Variants in KCNH5 observed in about 807,000 individuals in gnomAD.
KCNH5 encodes the protein potassium voltage-gated channel subfamily H member 5.
KCNH5 carries 46 observed loss-of-function variants against 96.1 expected under a neutral mutation model. That is an observed-to-expected ratio of 0.48 (90% CI 0.38 to 0.61). The LOEUF is 0.61. Among genes scored for constraint, KCNH5 ranks in the 20% least tolerant of loss-of-function variants. The probability of loss-of-function intolerance (pLI) is 0.00; values close to 1 mark genes in which losing one functional copy is unlikely to be tolerated. For synonymous variants in KCNH5, 439 were observed against 449.8 expected (o/e 0.98, Z 0.30); for missense variants, 907 against 1,225.8 (o/e 0.74, Z 3.88).
At chr14:62,777,871 G>C (rs1886131421) in intron 10 of KCNH5, among the ~76,000 whole-genome samples, 2 of 152,092 alleles carry the variant, frequency 1.3e-5, no homozygotes, top group East Asian at 3.9e-4. Flanking sequence ...GTGTGTGTGT[G>C]TGTGTGTGTA....
chr14:63,035,033 T>C (rs908144083), intron 1 of KCNH5, among the ~76,000 whole-genome samples: 3 of 152,184 alleles, frequency 2.0e-5, no homozygotes, highest in Admixed American at 1.3e-4. Context: ...GATATAATGA[T>C]AACATTTTAC....
At chr14:62,746,178 C>T (rs1447916940) in intron 10 of KCNH5, among the ~76,000 whole-genome samples, 1 of 152,220 alleles carries the variant, frequency 6.6e-6, no homozygotes, top group East Asian at 1.9e-4. Context: ...TTAAACAATT[C>T]TAGCCTCTTT....
chr14:62,747,612 A>C (rs1164744651), intron 10 of KCNH5, among the ~76,000 whole-genome samples: 2 of 152,240 alleles, frequency 1.3e-5, no homozygotes, highest in Non-Finnish European at 2.9e-5. Flanking sequence ...CTTTAGGTCA[A>C]GTTAAATCAA....
chr14:62,906,073 G>T (rs144541564), intron 7 of KCNH5, among the ~76,000 whole-genome samples: 1 of 152,308 alleles, frequency 6.6e-6, no homozygotes, highest in East Asian at 1.9e-4. Flanking sequence ...CTATTCAACT[G>T]CATAGGGTTT....
chr14:62,709,104 G>A (rs924509775), intron 10 of KCNH5, among the ~76,000 whole-genome samples: 76 of 151,030 alleles, frequency 5.0e-4, no homozygotes, highest in African/African-American at 1.7e-3. Flanking sequence ...GCAGTGGCGG[G>A]CGCCTGTAGT....
intron 10 of KCNH5, among the ~76,000 whole-genome samples, chr14:62,750,216 G>A (rs1027261431): frequency 3.3e-5 from 5 of 152,224 alleles, no homozygotes; most frequent in South Asian, 2.1e-4. Context: ...CCTAGTTACC[G>A]GCTTTACTGT....
At chr14:62,846,768 T>C (rs1277125972) in intron 8 of KCNH5, among the ~76,000 whole-genome samples, 1 of 121,690 alleles carries the variant, frequency 8.2e-6, no homozygotes, top group Non-Finnish European at 1.8e-5. Flanking sequence ...TTTATTATTG[T>C]ATTGTATTAT....
chr14:63,039,121 C>T (rs1891776914), intron 1 of KCNH5, among the ~76,000 whole-genome samples: 2 of 151,996 alleles, frequency 1.3e-5, no homozygotes, highest in Admixed American at 1.3e-4. Flanking sequence ...TTCAATTTTT[C>T]CCATTAAAAC....
chr14:62,711,220 T>C (rs1362138197), intron 10 of KCNH5, among the ~76,000 whole-genome samples: 1 of 152,084 alleles, frequency 6.6e-6, no homozygotes, highest in Non-Finnish European at 1.5e-5. Context: ...GACCACCAGC[T>C]GCCCCCCACC....
At chr14:62,819,459 G>C (rs1887070110) in intron 8 of KCNH5, among the ~76,000 whole-genome samples, 1 of 152,104 alleles carries the variant, frequency 6.6e-6, no homozygotes, top group African/African-American at 2.4e-5. Flanking sequence ...GGGGTGCAGG[G>C]GAGGTTGAAA....
At chr14:62,827,851 G>C (rs1887258669) in intron 8 of KCNH5, among the ~76,000 whole-genome samples, 1 of 152,012 alleles carries the variant, frequency 6.6e-6, no homozygotes, top group African/African-American at 2.4e-5. Context: ...AGTTAGTTCT[G>C]TTTTATTTCA....
At chr14:62,886,121 G>GACAC (rs58900799) in intron 7 of KCNH5, among the ~76,000 whole-genome samples, 28,226 of 147,566 alleles carry the variant, frequency 0.19, 3,212 homozygotes, top group Admixed American at 0.32. Flanking sequence ...ACCTGCAGAG[G>GACAC]ACACACACAC....
intron 9 of KCNH5, among the ~76,000 whole-genome samples, chr14:62,799,627 C>G (rs1259898255): frequency 3.1e-5 from 4 of 127,272 alleles, no homozygotes; most frequent in Non-Finnish European, 6.6e-5. Context: ...GTTATAAAGA[C>G]TGAGTCAACT....
intron 1 of KCNH5, among the ~76,000 whole-genome samples, chr14:63,021,357 G>A (rs1355681328): frequency 6.6e-6 from 1 of 152,038 alleles, no homozygotes; most frequent in East Asian, 1.9e-4. Flanking sequence ...ATACAAACAT[G>A]TTTCCCATTG....
At chr14:62,708,495 G>A (rs1884494018) in intron 10 of KCNH5, 40 bp from the exon 11 acceptor site, 1 of 1,311,364 alleles carries the variant, frequency 7.6e-7, no homozygotes, top group African/African-American at 1.5e-5. Context: ...GATTATAAAA[G>A]CAGATGGATT....
intron 10 of KCNH5, among the ~76,000 whole-genome samples, chr14:62,752,405 G>T (rs918112290): frequency 6.6e-6 from 1 of 151,900 alleles, no homozygotes; most frequent in Non-Finnish European, 1.5e-5. Flanking sequence ...TGGGCTCTTG[G>T]GGTCCCAGAT....
chr14:63,045,444 G>T lies in KCNH5; in HGVS notation c.-258C>A. 1 of 513,210 alleles carries T rather than the reference G, an allele frequency of 1.9e-6. No individual in the cohort carries two copies. 31.8% of individuals were successfully genotyped at this position (513,210 alleles called of 1,614,324 possible). ...CCAGACTGTGGCGGTGCCGCACACG[G>T]GGCTCGGGAACTGCAGGCTCCGCGG... On this transcript the variant is annotated 5_prime_UTR_variant, in exon 1 of 11. Transcript: ENST00000322893.
chr14:62,748,983 A>G (rs898557260), intron 10 of KCNH5, among the ~76,000 whole-genome samples: 12 of 152,214 alleles, frequency 7.9e-5, no homozygotes, highest in Admixed American at 5.9e-4. Flanking sequence ...TAGCGTATCA[A>G]TGGCAGAAAT....
At position 63,018,649 on chromosome 14, in the gene KCNH5, T is replaced by C. The variant is rs544534924; in HGVS notation, c.74-1695A>G. Among the ~76,000 whole-genome samples, 4 of 152,094 alleles carry C rather than the reference T, an allele frequency of 2.6e-5. No individual in the cohort carries two copies. In the East Asian group the frequency reaches 7.7e-4, roughly 29 times the overall value. On this transcript the variant is annotated intron_variant, in intron 1 of 10. Transcript: ENST00000322893. ...TGCCCTGGGACTAAAATAAAAAATG[T>C]AGAAATTAGACCAACACGAAAAATA...
Sources: allele counts gnomAD v4.1 joint callset (sites outside exome capture counted in the v4.1 genomes callset), GRCh38; gene constraint gnomAD v4.1.1; transcripts MANE v1.5; gene names NCBI Gene and HGNC (gene_info 2026-07-23, HGNC 2026-07-21).